The following ZNF726 variants were observed in gnomAD, a reference collection of about 807,000 sequenced individuals.
ZNF726 encodes the protein zinc finger protein 92 pseudogene 3.
Under a neutral mutation model 11.6 loss-of-function variants are expected in ZNF726, and 15 were observed. The ratio of observed to expected loss-of-function variants is 1.29; its 90% CI spans 0.86 to 1.99. ZNF726 has a LOEUF of 1.99. ZNF726 is among the 30% of genes most tolerant of loss of function. ZNF726 has a pLI of 0.00. For missense variants in ZNF726, 890 were observed against 725.6 expected, an observed-to-expected ratio of 1.23 and a Z score of -2.60; for synonymous variants, 295 against 243.6, an observed-to-expected ratio of 1.21 and a Z score of -1.96.
intron 3 of ZNF726, among the ~76,000 whole-genome samples, chr19:23,929,892 TAGAG>T (rs1021966955): frequency 2.7e-4 from 41 of 152,308 alleles, no homozygotes; most frequent in African/African-American, 9.1e-4. Context: ...TTACATTTAA[TAGAG>T]AGCTTTATTT....
rs1386111990 is a variant in ZNF726, at chr19:23,934,001, A to C, written c.*34A>C. 1.3e-6 allele frequency: 2 copies of C among 1,566,480 alleles called. No individual in the cohort carries two copies. Among genetic ancestry groups the C allele is most frequent in the Admixed American group, 1.8e-5 (1 of 55,596 alleles). ...TTAAAAAGGGTAAAGAATGTGGCAAAGCATTTATATGGTCCTCAACGCTAA... is the reference window on the plus strand; with the variant it reads ...TTAAAAAGGGTAAAGAATGTGGCAACGCATTTATATGGTCCTCAACGCTAA... On this transcript the variant is annotated 3_prime_UTR_variant, in exon 4 of 4. Coordinates refer to ENST00000594466, the MANE Select transcript of ZNF726 (RefSeq NM_001244038.2).
At position 23,943,519 on chromosome 19, in the gene ZNF726, G is replaced by C. The variant is rs115468727; in HGVS notation, c.252G>C (p.Leu84=). 9.4e-4 allele frequency: 625 copies of C among 668,084 alleles called. 3 individuals are homozygous for C. The highest frequency in any genetic ancestry group is 8.7e-3 in the African/African-American group (498 of 57,020). 41.4% of individuals were successfully genotyped at this position (668,084 alleles called of 1,614,324 possible). A position where few individuals can be genotyped will look rare whatever the true frequency, so the allele number is the denominator to read the frequency against. The change falls in exon 4 of 5, where the codon CTG becomes CTC. Residue 84 remains leucine, a synonymous_variant. Transcript: ENST00000334589. ...GCCTTGCTGTCTCTAACCCTGATCT[G>C]ATCTCCTGCCTTGAGCAAATAAAAG...
At chr19:23,943,024 G>T (rs1968362620) in intron 3 of ZNF726, among the ~76,000 whole-genome samples, 1 of 151,848 alleles carries the variant, frequency 6.6e-6, no homozygotes, top group Non-Finnish European at 1.5e-5. Flanking sequence ...TTTTTTTTTG[G>T]GGAGGGAAGG....
intron 4 of ZNF726, chr19:23,943,600 A>G (rs1300708516): frequency 1.6e-6 from 1 of 616,904 alleles, no homozygotes; most frequent in Non-Finnish European, 3.0e-6. Context: ...GTAGGTAAGC[A>G]TGAATGAAGC....
chr19:23,938,507 T>G (rs1380128658), downstream of ZNF726, among the ~76,000 whole-genome samples: 1 of 152,188 alleles, frequency 6.6e-6, no homozygotes, highest in Non-Finnish European at 1.5e-5. Context: ...GGCTTATGCT[T>G]CAGAATCTCC....
Position 23,919,400 on chromosome 19 carries a change from A to G in ZNF726, c.31A>G (p.Ile11Val), listed in dbSNP as rs1196427724. 2 of 1,607,656 alleles carry G rather than the reference A, an allele frequency of 1.2e-6. No individual in the cohort carries two copies. The highest frequency in any genetic ancestry group is 2.2e-5 in the South Asian group (2 of 91,034). The stretch of plus-strand genomic sequence containing the variant: ...ACTGTTGACATTTAGGGATGTGGCC[A>G]TAGAATTCTCTCTGGAGGAGTGGCA... MGLLTFRDVAIEFSLEEWQCL... is the reference protein window; with the variant it reads MGLLTFRDVAVEFSLEEWQCL... The change falls in exon 2 of 4, where the codon ATA (isoleucine) becomes GTA (valine). Residue 11 changes from isoleucine to valine, a missense_variant. By Grantham distance (29) the Ile-to-Val change is conservative (BLOSUM62 3). Coordinates refer to ENST00000594466, the MANE Select transcript of ZNF726 (RefSeq NM_001244038.2).
chr19:23,934,650 AG>A (rs777317169), downstream of ZNF726, among the ~76,000 whole-genome samples: 16 of 152,150 alleles, frequency 1.1e-4, no homozygotes, highest in Admixed American at 6.5e-4. Context: ...CGGACCCCCA[AG>A]GGCTAAGGAA....
chr19:23,920,841 GT>G (rs976808541), intron 3 of ZNF726: 8 of 146,828 alleles, frequency 5.4e-5, no homozygotes, highest in African/African-American at 1.3e-4. Flanking sequence ...TAATATGGCC[GT>G]TTTTACTTCC....
At chr19:23,940,791 G>A (rs368820413) in intron 3 of ZNF726, among the ~76,000 whole-genome samples, 3 of 152,008 alleles carry the variant, frequency 2.0e-5, no homozygotes, top group African/African-American at 7.2e-5. Context: ...TCTCCATTTG[G>A]TTGCTGTTGG....
intron 3 of ZNF726, 110 bp from the exon 4 acceptor site, chr19:23,932,233 T>G: frequency 1.2e-6 from 1 of 840,220 alleles, no homozygotes; most frequent in Non-Finnish European, 1.6e-6. Context: ...TCTGTGGTAT[T>G]TTGCAAAACC....
At position 23,932,328 on chromosome 19, in the gene ZNF726, T is replaced by A. The variant is rs777343584; in HGVS notation, c.227-15T>A. Reference sequence around the variant, plus strand: ...AGTATAGTAAGTGGAGTAAATTATTTTAATTTTTTTTTAGGTATATGTCCT... The same window carrying A: ...AGTATAGTAAGTGGAGTAAATTATTATAATTTTTTTTTAGGTATATGTCCT... On this transcript the variant is annotated splice_polypyrimidine_tract_variant and intron_variant, in intron 3 of 3. Transcript: ENST00000594466. The A allele has an allele frequency of 2.0e-5, 27 of 1,322,948 alleles. No individual in the cohort carries two copies. The highest frequency in any genetic ancestry group is 2.6e-5 in the Non-Finnish European group (27 of 1,031,692). 82.0% of individuals were successfully genotyped at this position (1,322,948 alleles called of 1,614,324 possible). A position where few individuals can be genotyped will look rare whatever the true frequency, so the allele number is the denominator to read the frequency against.
At chr19:23,942,306 C>T (rs751157709) in intron 3 of ZNF726, among the ~76,000 whole-genome samples, 7 of 152,018 alleles carry the variant, frequency 4.6e-5, no homozygotes, top group Admixed American at 1.3e-4. Flanking sequence ...AGTTTTATTC[C>T]ACTGTGCTCT....
intron 1 of ZNF726, 21 bp downstream of exon 1, chr19:23,915,018 A>T (rs1967661765): frequency 1.9e-6 from 3 of 1,613,786 alleles, no homozygotes; most frequent in Non-Finnish European, 2.5e-6. Context: ...CGGGTGCGAC[A>T]TCCCAAGAGA....
chr19:23,932,458 A>T lies in ZNF726; in HGVS notation c.342A>T (p.Arg114Ser). Residue 114 changes from arginine (R) to serine (S), a missense_variant, in exon 4 of 4, where the codon AGA becomes AGT. Physicochemically the swap from Arg to Ser is moderately radical, Grantham distance 110. Transcript: ENST00000594466. Reference sequence around the variant, plus strand: ...GTGGACATGAGAATTTACAGTTAAGAAAAGGTTGTAAAAGTGTGGATGAGT... The same window carrying T: ...GTGGACATGAGAATTTACAGTTAAGTAAAGGTTGTAAAAGTGTGGATGAGT... ...EKCGHENLQL[R>S]KGCKSVDECK... is the part of the protein sequence containing the mutation. 1 of 1,576,158 alleles carries T rather than the reference A, an allele frequency of 6.3e-7. No individual in the cohort carries two copies. The highest frequency in any genetic ancestry group is 8.6e-7 in the Non-Finnish European group (1 of 1,165,328).
intron 3 of ZNF726, among the ~76,000 whole-genome samples, chr19:23,925,915 C>G (rs1967976062): frequency 1.3e-5 from 2 of 151,912 alleles, no homozygotes; most frequent in South Asian, 4.2e-4. Context: ...CAGAGTTTCA[C>G]CATGTTGGTC....
chr19:23,937,078 G>A (rs2064228692), downstream of ZNF726, among the ~76,000 whole-genome samples: 1 of 146,426 alleles, frequency 6.8e-6, no homozygotes, highest in South Asian at 2.2e-4. Context: ...CGGCTGGCCG[G>A]GCGGGGGGCT....
At chr19:23,919,680 T>C (rs954194566) in intron 2 of ZNF726, 181 bp downstream of exon 2, 4 of 723,374 alleles carry the variant, frequency 5.5e-6, no homozygotes, top group Non-Finnish European at 8.1e-6. Context: ...TCCACATTCC[T>C]GAGCTGATCT....
chr19:23,922,325 A>G (rs929366685), intron 3 of ZNF726, among the ~76,000 whole-genome samples: 7 of 152,162 alleles, frequency 4.6e-5, no homozygotes, highest in Non-Finnish European at 1.0e-4. Context: ...GTCACTTTGG[A>G]TTTCTACATA....
intron 1 of ZNF726, among the ~76,000 whole-genome samples, chr19:23,917,505 A>G (rs115233107): frequency 0.034 from 5,207 of 152,170 alleles, 150 homozygotes; most frequent in Non-Finnish European, 0.047. Context: ...AAAAAAAAAA[A>G]AATCTCTGTT....
Sources: gnomAD v4.1 joint callset for allele counts (sites outside exome capture counted in the v4.1 genomes callset) on GRCh38, gnomAD v4.1.1 for gene constraint, MANE v1.5 for transcripts, NCBI Gene and HGNC (gene_info 2026-07-23, HGNC 2026-07-21) for gene names.